ART1: variants seen among roughly 807,000 people sequenced by gnomAD.
ART1 encodes the protein GPI-linked NAD(P)(+)--arginine ADP-ribosyltransferase 1.
ART1 carries 29 observed loss-of-function variants against 27.0 expected under a neutral mutation model. The ratio of observed to expected loss-of-function variants is 1.08; its 90% CI spans 0.80 to 1.47. ART1 has a LOEUF of 1.47. Among genes scored for constraint, ART1 ranks in the 40% most tolerant of loss-of-function variants. ART1 has a pLI of 0.00. For missense variants in ART1, 480 were observed against 423.0 expected, an observed-to-expected ratio of 1.13 and a Z score of -1.18; for synonymous variants, 201 against 172.2, an observed-to-expected ratio of 1.17 and a Z score of -1.31.
Position 3,659,999 on chromosome 11 carries a change from G to A in ART1, c.480G>A (p.Glu160=), listed in dbSNP as rs1273590861. Residue 160 remains glutamate, a synonymous_variant, in exon 3 of 5, where the codon GAG becomes GAA. Transcript: ENST00000250693. ...SFKTLHFLLT[E]ALQLLGSGQR... is the part of the protein sequence containing the mutation. ...AGACACTCCATTTCCTGCTGACTGA[G>A]GCCCTGCAGCTCCTGGGCAGCGGCC... 2 of 1,614,024 alleles carry A rather than the reference G, an allele frequency of 1.2e-6. No homozygotes were observed. The highest frequency in any genetic ancestry group is 1.3e-5 in the African/African-American group (1 of 75,052).
At chr11:3,648,722 T>C (rs1383133631) in intron 1 of ART1, among the ~76,000 whole-genome samples, 2 of 152,198 alleles carry the variant, frequency 1.3e-5, no homozygotes, top group Non-Finnish European at 2.9e-5. Context: ...AGGTGTCAGA[T>C]CATGCAGGGA....
At position 3,660,811 on chromosome 11, in the gene ART1, G is replaced by A. The variant is rs545290905; in HGVS notation, c.844+448G>A. 1.7e-4 allele frequency among the ~76,000 whole-genome samples: 26 copies of A among 152,370 alleles called. No homozygotes were observed. The South Asian group carries it at 4.8e-3, about 28-fold the overall frequency. On this transcript the variant is annotated intron_variant, in intron 3 of 4. Transcript: ENST00000250693. ...GATGGAAGAGGAATTATGTGCTGAA[G>A]GGTGTGCTGGGTGGGGTGGTGGGGG...
intron 4 of ART1, 180 bp from the exon 5 acceptor site, chr11:3,663,912 C>T (rs927560808): frequency 3.4e-6 from 2 of 589,362 alleles, no homozygotes; most frequent in African/African-American, 1.9e-5. Context: ...TGGACCAGCT[C>T]CTCCCTAAAC....
intron 3 of ART1, 147 bp downstream of exon 3, chr11:3,660,510 C>G: frequency 7.2e-6 from 7 of 967,814 alleles, no homozygotes; most frequent in Non-Finnish European, 8.9e-6. Flanking sequence ...CCCCTTCCAT[C>G]TAAGGGGAGA....
intron 1 of ART1, chr11:3,655,677 A>T (rs559220787): frequency 1.3e-5 from 2 of 152,314 alleles, no homozygotes; most frequent in South Asian, 4.1e-4. Context: ...TTTACCCTGC[A>T]TCCATAGATC....
Position 3,659,291 on chromosome 11 carries a change from C to G in ART1, c.63+15C>G, listed in dbSNP as rs749009983. Reference sequence around the variant, plus strand: ...AAGCACTTCAGGTATGGGCATCCCCCACTGTTCCCACCCCAGCAGGGAACT... The same window carrying G: ...AAGCACTTCAGGTATGGGCATCCCCGACTGTTCCCACCCCAGCAGGGAACT... On this transcript the variant is annotated intron_variant, in intron 2 of 4. Transcript: ENST00000250693. The G allele has an allele frequency of 6.2e-7, 1 of 1,614,096 alleles. No individual in the cohort carries two copies. The highest frequency in any genetic ancestry group is 2.2e-5 in the East Asian group (1 of 44,876).
chr11:3,662,112 C>A (rs1765079808), intron 4 of ART1, among the ~76,000 whole-genome samples: 1 of 152,238 alleles, frequency 6.6e-6, no homozygotes, highest in Non-Finnish European at 1.5e-5. Flanking sequence ...GCCCTCAGGG[C>A]TCCCTCAAAC....
At chr11:3,651,042 T>A (rs1258186454) in intron 1 of ART1, among the ~76,000 whole-genome samples, 1 of 152,138 alleles carries the variant, frequency 6.6e-6, no homozygotes, top group Non-Finnish European at 1.5e-5. Context: ...TTATCCGTCC[T>A]AAAACCAGAC....
At position 3,660,102 on chromosome 11, in the gene ART1, G is replaced by T. The variant is rs765406319; in HGVS notation, c.583G>T (p.Val195Leu). The stretch of plus-strand genomic sequence containing the variant: ...CCGGCCAGCAGGGCCCCGGGCCACC[G>T]TGAGGCTGGGGGGCTTTGCTTCTGC... ...RFRPAGPRAT[V>L]RLGGFASASL... is the part of the protein sequence containing the mutation. The change falls in exon 3 of 5, where the codon GTG becomes TTG. Residue 195 changes from valine (V) to leucine (L), a missense_variant. By Grantham distance (32) the Val-to-Leu change is conservative. Coordinates refer to ENST00000250693, the MANE Select transcript of ART1 (RefSeq NM_004314.3). 4 of 1,613,656 alleles carry T rather than the reference G, an allele frequency of 2.5e-6. No individual in the cohort carries two copies. Among genetic ancestry groups the T allele is most frequent in the East Asian group, 4.5e-5 (2 of 44,874 alleles).
chr11:3,660,443 C>T, intron 3 of ART1, 80 bp downstream of exon 3: 1 of 1,475,482 alleles, frequency 6.8e-7, no homozygotes, highest in East Asian at 2.3e-5. Flanking sequence ...AAACCGAAGC[C>T]CCTATCTCCT....
intron 4 of ART1, among the ~76,000 whole-genome samples, chr11:3,662,440 C>T (rs531264359): frequency 5.1e-4 from 77 of 152,268 alleles, no homozygotes; most frequent in African/African-American, 1.8e-3. Flanking sequence ...GCAGGAAGGA[C>T]CCCCCAGCTT....
intron 1 of ART1, among the ~76,000 whole-genome samples, chr11:3,650,244 A>G (rs58587432): frequency 0.78 from 119,066 of 152,070 alleles, 46,957 homozygotes; most frequent in Admixed American, 0.89. Context: ...GCCAAGGAAT[A>G]CCCACAGCCC....
chr11:3,655,110 C>T (rs1462085121), intron 1 of ART1, among the ~76,000 whole-genome samples: 1 of 152,176 alleles, frequency 6.6e-6, no homozygotes, highest in Non-Finnish European at 1.5e-5. Context: ...CTGCTCAGGC[C>T]GCCGGTCTGG....
At chr11:3,655,158 G>A (rs916258659) in intron 1 of ART1, among the ~76,000 whole-genome samples, 3 of 152,174 alleles carry the variant, frequency 2.0e-5, no homozygotes, top group South Asian at 2.1e-4. Flanking sequence ...CTGGGCTCAG[G>A]TCTGTTCCTC....
intron 1 of ART1, among the ~76,000 whole-genome samples, chr11:3,651,680 C>A (rs2077523089): frequency 1.3e-5 from 2 of 149,130 alleles, no homozygotes; most frequent in Admixed American, 1.3e-4. Context: ...AATCTATTTT[C>A]TTCCTCATAC....
chr11:3,661,992 C>G (rs929703416), intron 4 of ART1, among the ~76,000 whole-genome samples: 2 of 152,174 alleles, frequency 1.3e-5, no homozygotes, highest in African/African-American at 2.4e-5. Flanking sequence ...TGATCAGGCC[C>G]CTGAGAGATT....
At position 3,653,021 on chromosome 11, in the gene ART1, T is replaced by A. The variant is rs976067101; in HGVS notation, c.-52-6141T>A. Among the ~76,000 whole-genome samples the A allele has an allele frequency of 2.7e-5, 4 of 147,964 alleles. 1 individual carries two copies. The highest frequency in any genetic ancestry group is 1.0e-4 in the African/African-American group (4 of 38,128). On this transcript the variant is annotated intron_variant, in intron 1 of 4. Coordinates refer to ENST00000250693, the MANE Select transcript of ART1 (RefSeq NM_004314.3). ...ATAATTCTACACGACAAATGTTTCTTCTAACAACCCCACAATATCACCCCT... is the reference window on the plus strand; with the variant it reads ...ATAATTCTACACGACAAATGTTTCTACTAACAACCCCACAATATCACCCCT...
chr11:3,651,845 C>T (rs187281533), intron 1 of ART1, among the ~76,000 whole-genome samples: 9,731 of 148,576 alleles, frequency 0.065, 449 homozygotes, highest in Non-Finnish European at 0.097. Flanking sequence ...TGTCTCTGAT[C>T]CACCTGACAT....
intron 3 of ART1, among the ~76,000 whole-genome samples, chr11:3,660,848 C>T (rs2077614747): frequency 6.6e-6 from 1 of 152,180 alleles, no homozygotes; most frequent in Admixed American, 6.6e-5. Context: ...AAGGAGACAG[C>T]AGTTGGGTGC....
Sources: allele counts gnomAD v4.1 joint callset (sites outside exome capture counted in the v4.1 genomes callset), GRCh38; gene constraint gnomAD v4.1.1; transcripts MANE v1.5; gene names NCBI Gene and HGNC (gene_info 2026-07-23, HGNC 2026-07-21).